Variants in MDGA2 observed in about 807,000 individuals in gnomAD.
MDGA2 encodes the protein MAM domain containing glycosylphosphatidylinositol anchor 2.
A neutral mutation model predicts 117.8 loss-of-function variants in MDGA2; 40 were observed. The observed-to-expected ratio is 0.34, with a 90% CI of 0.26 to 0.44. The LOEUF is 0.44. MDGA2 is among the 20% of genes least tolerant of loss of function. The probability of loss-of-function intolerance (pLI) is 1.00; values close to 1 mark genes in which losing one functional copy is unlikely to be tolerated. For synonymous variants in MDGA2, 452 were observed against 439.0 expected (o/e 1.03, Z -0.37); for missense variants, 1,123 against 1,250.6 (o/e 0.90, Z 1.54).
intron 9 of MDGA2, among the ~76,000 whole-genome samples, chr14:46,936,077 AT>A (rs1318913513): frequency 6.6e-6 from 1 of 152,156 alleles, no homozygotes; most frequent in African/African-American, 2.4e-5. Flanking sequence ...ATAATTTTAA[AT>A]TTTGATGTAT....
intron 1 of MDGA2, among the ~76,000 whole-genome samples, chr14:47,541,992 TTA>T (rs1895362330): frequency 6.6e-6 from 1 of 152,150 alleles, no homozygotes; most frequent in South Asian, 2.1e-4. Flanking sequence ...TCTCAACGCA[TTA>T]TCATCTACTT....
chr14:47,247,976 A>T (rs962592098), intron 2 of MDGA2, among the ~76,000 whole-genome samples: 1 of 151,458 alleles, frequency 6.6e-6, no homozygotes, highest in Non-Finnish European at 1.5e-5. Flanking sequence ...ACATGAATAC[A>T]TCCTTTTTTT....
chr14:47,130,680 C>T (rs192744566), intron 5 of MDGA2, among the ~76,000 whole-genome samples: 3 of 152,064 alleles, frequency 2.0e-5, no homozygotes, highest in Non-Finnish European at 2.9e-5. Flanking sequence ...ATGCTTTATA[C>T]GTATCCACTC....
chr14:47,242,341 G>A lies in MDGA2; in HGVS notation c.421-24146C>T, dbSNP rs553793484. Among the ~76,000 whole-genome samples, 109 of 152,036 alleles carry A rather than the reference G, an allele frequency of 7.2e-4. 2 individuals are homozygous for A. Among genetic ancestry groups the A allele is most frequent in the East Asian group, 1.2e-3 (6 of 5,168 alleles). On this transcript the variant is annotated intron_variant, in intron 2 of 16. Coordinates refer to ENST00000399232, the MANE Select transcript of MDGA2 (RefSeq NM_001113498.3). Reference sequence around the variant, plus strand: ...TCCCCTGCCTGGGCTCCCACTTTGTGGCATTTGAGGAGCCCTTCAGCCCCC... The same window carrying A: ...TCCCCTGCCTGGGCTCCCACTTTGTAGCATTTGAGGAGCCCTTCAGCCCCC...
Position 47,214,627 on chromosome 14 carries a change from T to C in MDGA2, c.595+3394A>G, listed in dbSNP as rs576855881. 2.3e-4 allele frequency among the ~76,000 whole-genome samples: 35 copies of C among 152,260 alleles called. No individual in the cohort carries two copies. In the South Asian group the frequency reaches 7.0e-3, roughly 31 times the overall value. ...TCTCAAAGTGATCAAAATGTTAATATAGATATTACAAAGATTTCAAAATAT... is the reference window on the plus strand; with the variant it reads ...TCTCAAAGTGATCAAAATGTTAATACAGATATTACAAAGATTTCAAAATAT... On this transcript the variant is annotated intron_variant, in intron 3 of 16. Coordinates refer to ENST00000399232, the MANE Select transcript of MDGA2 (RefSeq NM_001113498.3).
chr14:47,394,851 A>G (rs1169709576), intron 1 of MDGA2, among the ~76,000 whole-genome samples: 3 of 152,184 alleles, frequency 2.0e-5, no homozygotes, highest in Non-Finnish European at 4.4e-5. Context: ...GTTATGTATT[A>G]AAGATTTAAA....
chr14:47,421,474 A>T (rs1453669976), intron 1 of MDGA2, among the ~76,000 whole-genome samples: 1 of 142,820 alleles, frequency 7.0e-6, no homozygotes, highest in Non-Finnish European at 1.5e-5. Flanking sequence ...ATCCTTTAAT[A>T]TGTGGACCAG....
At chr14:47,514,318 C>T (rs7141421) in intron 1 of MDGA2, among the ~76,000 whole-genome samples, 50,200 of 151,882 alleles carry the variant, frequency 0.33, 8,912 homozygotes, top group East Asian at 0.59. Flanking sequence ...CACTGACGAG[C>T]CATCTTTCAT....
chr14:47,430,664 T>G (rs1892780893), intron 1 of MDGA2, among the ~76,000 whole-genome samples: 1 of 152,144 alleles, frequency 6.6e-6, no homozygotes, highest in South Asian at 2.1e-4. Context: ...GCTTAAGTTG[T>G]TTCTGTTTAA....
At chr14:47,659,962 C>G (rs1476164932) in intron 1 of MDGA2, among the ~76,000 whole-genome samples, 88 of 152,176 alleles carry the variant, frequency 5.8e-4, no homozygotes, top group Non-Finnish European at 8.8e-5. Context: ...AAGTCATATC[C>G]CATTAGTTTC....
At chr14:47,082,696 G>C (rs747040065) in intron 6 of MDGA2, among the ~76,000 whole-genome samples, 3 of 151,926 alleles carry the variant, frequency 2.0e-5, no homozygotes, top group Admixed American at 1.3e-4. Context: ...TAAAAAATAA[G>C]ACTTGTCAAG....
intron 2 of MDGA2, among the ~76,000 whole-genome samples, chr14:47,246,356 T>C (rs1887236867): frequency 6.6e-6 from 1 of 151,672 alleles, no homozygotes; most frequent in South Asian, 2.1e-4. Flanking sequence ...TCACCAATAT[T>C]GGTAAAAAAT....
At chr14:47,002,465 C>T (rs1236915460) in intron 8 of MDGA2, among the ~76,000 whole-genome samples, 4 of 151,988 alleles carry the variant, frequency 2.6e-5, no homozygotes, top group Non-Finnish European at 5.9e-5. Context: ...CAGTGGCTCA[C>T]GCCTGTAATC....
chr14:47,377,010 T>C (rs1407984345), intron 1 of MDGA2, among the ~76,000 whole-genome samples: 2 of 152,160 alleles, frequency 1.3e-5, no homozygotes, highest in African/African-American at 4.8e-5. Flanking sequence ...TTCTTTGGAT[T>C]TGAAGTAGGC....
intron 10 of MDGA2, among the ~76,000 whole-genome samples, chr14:46,894,354 G>T (rs186284777): frequency 1.3e-5 from 2 of 152,010 alleles, no homozygotes; most frequent in African/African-American, 4.8e-5. Context: ...TATATCAAAT[G>T]TGTTGCTTTC....
chr14:47,420,301 G>A (rs1892553076), intron 1 of MDGA2, among the ~76,000 whole-genome samples: 1 of 152,094 alleles, frequency 6.6e-6, no homozygotes, highest in Non-Finnish European at 1.5e-5. Flanking sequence ...AGATAAAGAT[G>A]AAGGATAAAG....
chr14:47,064,800 C>T (rs903478991), intron 6 of MDGA2, among the ~76,000 whole-genome samples: 1 of 152,030 alleles, frequency 6.6e-6, no homozygotes, highest in Non-Finnish European at 1.5e-5. Context: ...ATTAAACGCT[C>T]TCTTTTTCCG....
At chr14:47,452,214 T>A (rs1367770147) in intron 1 of MDGA2, among the ~76,000 whole-genome samples, 1 of 152,026 alleles carries the variant, frequency 6.6e-6, no homozygotes, top group Non-Finnish European at 1.5e-5. Flanking sequence ...TACTGATGCA[T>A]GATGTAGACA....
chr14:47,264,082 C>T (rs1451004158), intron 2 of MDGA2, among the ~76,000 whole-genome samples: 1 of 152,048 alleles, frequency 6.6e-6, no homozygotes, highest in Admixed American at 6.6e-5. Flanking sequence ...TTTAAGTCAG[C>T]GTGTCCTTGT....
Sources: gnomAD v4.1 joint callset for allele counts (sites outside exome capture counted in the v4.1 genomes callset) on GRCh38, gnomAD v4.1.1 for gene constraint, MANE v1.5 for transcripts, NCBI Gene and HGNC (gene_info 2026-07-23, HGNC 2026-07-21) for gene names.